The following PASD1 variants were observed in gnomAD, a reference collection of about 807,000 sequenced individuals.
The protein encoded by PASD1 is PAS domain containing repressor 1, also known as circadian clock protein PASD1.
PASD1 carries 13 observed loss-of-function variants against 58.8 expected under a neutral mutation model. The ratio of observed to expected loss-of-function variants is 0.22; its 90% CI spans 0.14 to 0.35. The LOEUF is 0.35. PASD1 is among the 10% of genes least tolerant of loss of function. PASD1 has a pLI of 1.00. For synonymous variants in PASD1, 236 were observed against 216.7 expected (o/e 1.09, Z -0.78); for missense variants, 734 against 568.3 (o/e 1.29, Z -2.96).
intron 10 of PASD1, among the ~76,000 whole-genome samples, chrX:151,660,142 C>A (rs1267761651): frequency 8.9e-6 from 1 of 112,055 alleles, no homozygotes; most frequent in African/African-American, 3.2e-5. Context: ...ATTCTGCTAT[C>A]ACACAGTATT....
intron 11 of PASD1, among the ~76,000 whole-genome samples, chrX:151,668,586 G>A (rs1264640945): frequency 9.0e-6 from 1 of 111,274 alleles, no homozygotes; most frequent in Non-Finnish European, 1.9e-5. Context: ...ACACCTCTAC[G>A]CAAATAAACT....
intron 1 of PASD1, among the ~76,000 whole-genome samples, chrX:151,564,221 G>A (rs1476925433): frequency 1.8e-5 from 2 of 112,873 alleles, no homozygotes; most frequent in African/African-American, 3.2e-5. Context: ...CGGGCGGTTC[G>A]GGTGAGAACG....
At chrX:151,628,799 A>G (rs772518163) in intron 8 of PASD1, among the ~76,000 whole-genome samples, 180 of 111,676 alleles carry the variant, frequency 1.6e-3, no homozygotes, top group African/African-American at 5.5e-3. Context: ...CCATTTTCAC[A>G]ATATTGATTA....
Position 151,664,171 on chromosome X carries a change from G to A in PASD1, c.894G>A (p.Arg298=). The A allele has an allele frequency of 8.3e-7, 1 of 1,210,034 alleles. No homozygotes were observed. The highest frequency in any genetic ancestry group is 1.1e-6 in the Non-Finnish European group (1 of 895,186). The change falls in exon 11 of 16, where the codon AGG becomes AGA. Residue 298 remains arginine, a synonymous_variant. Coordinates refer to ENST00000370357, the MANE Select transcript of PASD1 (RefSeq NM_173493.3). ...RGEPEVNPLY[R]ADPVDLEFSV... The stretch of plus-strand genomic sequence containing the variant: ...AGCCTGAGGTGAATCCATTGTACAG[G>A]GCAGACCCAGTGGACCTGGAGTTCT...
chrX:151,617,488 CAT>C (rs1254929348), intron 4 of PASD1, among the ~76,000 whole-genome samples: 2 of 111,886 alleles, frequency 1.8e-5, no homozygotes, highest in Non-Finnish European at 3.8e-5. Flanking sequence ...ACTTACGAGA[CAT>C]AGCACTTTGT....
At chrX:151,586,099 T>G (rs1025308031) in intron 1 of PASD1, among the ~76,000 whole-genome samples, 1 of 111,538 alleles carries the variant, frequency 9.0e-6, no homozygotes, top group Non-Finnish European at 1.9e-5. Context: ...GGGGACAGGA[T>G]GTAGAAGACT....
chrX:151,644,724 C>CT lies in PASD1; in HGVS notation c.630-3879dup, dbSNP rs150221546. ...CTGTACAGATTACAACGTAATTTTT[C>CT]TTTTTTTTTTTTAATTTTTCAGAAT... is the stretch of plus-strand genomic sequence containing the variant. On this transcript the variant is annotated intron_variant, in intron 8 of 15. Coordinates refer to ENST00000370357, the MANE Select transcript of PASD1 (RefSeq NM_173493.3). 4.2e-4 allele frequency among the ~76,000 whole-genome samples: 42 copies of CT among 101,122 alleles called. No homozygotes were observed. The East Asian group carries it at 5.9e-3, about 14-fold the overall frequency. The allele number at this position is 101,122 out of a possible 115,157, so 87.8% of individuals were successfully genotyped here. A position where few individuals can be genotyped will look rare whatever the true frequency, so the allele number is the denominator to read the frequency against.
chrX:151,570,684 G>A (rs1167816431), intron 1 of PASD1, among the ~76,000 whole-genome samples: 1 of 112,142 alleles, frequency 8.9e-6, no homozygotes, highest in African/African-American at 3.2e-5. Context: ...AGTGGTAAAT[G>A]CCCAGCATGC....
At chrX:151,588,215 G>A (rs1387085551) in intron 1 of PASD1, among the ~76,000 whole-genome samples, 1 of 111,930 alleles carries the variant, frequency 8.9e-6, no homozygotes, top group Non-Finnish European at 1.9e-5. Context: ...GAGTGTGTAC[G>A]TGTCTCTCTC....
At chrX:151,668,772 C>G (rs1280237866) in intron 11 of PASD1, among the ~76,000 whole-genome samples, 1 of 109,622 alleles carries the variant, frequency 9.1e-6, no homozygotes, top group Non-Finnish European at 1.9e-5. Context: ...TGAATTCTAC[C>G]AGAGGTACAA....
intron 1 of PASD1, among the ~76,000 whole-genome samples, chrX:151,588,066 T>A (rs1053035238): frequency 8.9e-6 from 1 of 112,241 alleles, no homozygotes; most frequent in African/African-American, 3.2e-5. Flanking sequence ...ATAAACCTTA[T>A]ATGAGAAGAG....
At chrX:151,589,643 G>A (rs1037088575) in intron 1 of PASD1, among the ~76,000 whole-genome samples, 10 of 111,437 alleles carry the variant, frequency 9.0e-5, no homozygotes, top group Non-Finnish European at 1.7e-4. Flanking sequence ...AGGACCAAAG[G>A]TCACACATCT....
At chrX:151,652,537 A>G (rs1316704408) in intron 9 of PASD1, among the ~76,000 whole-genome samples, 1 of 104,471 alleles carries the variant, frequency 9.6e-6, no homozygotes, top group African/African-American at 3.4e-5. Context: ...CGTCTCAAAA[A>G]AAAAAAAAAC....
At chrX:151,638,613 T>G (rs2013961379) in intron 8 of PASD1, among the ~76,000 whole-genome samples, 1 of 111,520 alleles carries the variant, frequency 9.0e-6, no homozygotes, top group African/African-American at 3.3e-5. Context: ...CAATATTTGA[T>G]GTGCAAGTAC....
intron 4 of PASD1, among the ~76,000 whole-genome samples, chrX:151,618,426 A>G (rs2013665134): frequency 8.9e-6 from 1 of 112,142 alleles, no homozygotes; most frequent in Admixed American, 9.4e-5. Context: ...TTACTTCTAT[A>G]TCTGATATTC....
chrX:151,599,614 C>G (rs1201023025), intron 1 of PASD1, among the ~76,000 whole-genome samples: 2 of 109,633 alleles, frequency 1.8e-5, no homozygotes, highest in Non-Finnish European at 3.8e-5. Context: ...AGACACTCCT[C>G]AGTTCCCAGA....
At chrX:151,631,028 G>A (rs1287655361) in intron 8 of PASD1, among the ~76,000 whole-genome samples, 1 of 112,067 alleles carries the variant, frequency 8.9e-6, no homozygotes, top group Admixed American at 9.5e-5. Flanking sequence ...GCCCTCTGCT[G>A]TCTTGCTACT....
intron 8 of PASD1, among the ~76,000 whole-genome samples, chrX:151,626,762 T>C (rs1250497789): frequency 8.9e-6 from 1 of 112,274 alleles, no homozygotes; most frequent in Non-Finnish European, 1.9e-5. Context: ...TGAGGTCTGA[T>C]GGTGAGAAGA....
intron 8 of PASD1, among the ~76,000 whole-genome samples, chrX:151,628,496 G>A (rs1203438768): frequency 1.8e-5 from 2 of 111,839 alleles, no homozygotes; most frequent in Admixed American, 9.5e-5. Context: ...TGTCAGGTTT[G>A]TCAAAGATCA....
Sources: allele counts gnomAD v4.1 joint callset (sites outside exome capture counted in the v4.1 genomes callset), GRCh38; gene constraint gnomAD v4.1.1; transcripts MANE v1.5; gene names NCBI Gene and HGNC (gene_info 2026-07-23, HGNC 2026-07-21).